The following ADH1A variants were observed in gnomAD, a reference collection of about 807,000 sequenced individuals.
ADH1A encodes alcohol dehydrogenase 1A.
In ADH1A, 29 loss-of-function variants were observed where a neutral mutation model predicts 35.2. That is an observed-to-expected ratio of 0.82 (90% CI 0.61 to 1.12). The LOEUF is 1.12. Among genes scored for constraint, ADH1A ranks in the 50% most tolerant of loss-of-function variants. The pLI is 0.00. For missense variants in ADH1A, 469 were observed against 464.7 expected (o/e 1.01, Z -0.09); for synonymous variants, 147 against 164.8 (o/e 0.89, Z 0.83).
rs1201142966 is a variant in ADH1A, at chr4:99,284,767, C to G, written c.296G>C (p.Gly99Ala). 6.2e-7 allele frequency: 1 copy of G among 1,614,176 alleles called. No individual in the cohort carries two copies. Among genetic ancestry groups the G allele is most frequent in the Admixed American group, 1.7e-5 (1 of 60,028 alleles). ...CGGGTTTTTACAAATTCTGCATTTT[C>G]CACACTGAGGAATAGCGAGTGGGAT... ...KVIPLAIPQC[G>A]KCRICKNPES... Residue 99 changes from glycine (G) to alanine (A), a missense_variant, in exon 4 of 9, where the codon GGA (glycine) becomes GCA (alanine). Transcript: ENST00000209668.
At chr4:99,279,122 G>T (rs1233569691) in intron 8 of ADH1A, among the ~76,000 whole-genome samples, 2 of 151,056 alleles carry the variant, frequency 1.3e-5, no homozygotes, top group Non-Finnish European at 3.0e-5. Flanking sequence ...TATTTAAAAA[G>T]ACTTTTTTTT....
At chr4:99,282,221 CAG>C (rs1381541589) in intron 6 of ADH1A, 123 bp downstream of exon 6, 4 of 1,575,222 alleles carry the variant, frequency 2.5e-6, no homozygotes, top group Non-Finnish European at 3.5e-6. Context: ...AGGTAACAAA[CAG>C]ATGATGGGAA....
rs761698032 is a variant in ADH1A, at chr4:99,284,802, A to C, written c.261T>G (p.Gly87=). ...GAATAGCGAGTGGGATGACTTTATC[A>C]CCTGGAGAGGGATAAAACAAATTCT... The part of the protein sequence containing the change: ...VGEGVTTVKP[G]DKVIPLAIPQ... Residue 87 remains glycine (G), a splice_region_variant and synonymous_variant, in exon 4 of 9, where the codon GGT becomes GGG. Transcript: ENST00000209668. 1.9e-6 allele frequency: 3 copies of C among 1,613,600 alleles called. No homozygotes were observed. The East Asian group carries it at 6.7e-5, about 36-fold the overall frequency.
intron 3 of ADH1A, among the ~76,000 whole-genome samples, chr4:99,285,491 C>T (rs188640895): frequency 1.1e-3 from 169 of 152,206 alleles, no homozygotes; most frequent in African/African-American, 3.6e-3. Flanking sequence ...TTTCCTGTTA[C>T]AGTGGAGGGA....
At chr4:99,281,731 G>A (rs1733006877) in intron 6 of ADH1A, 1 of 155,952 alleles carries the variant, frequency 6.4e-6, no homozygotes, top group South Asian at 1.8e-4. Context: ...GAAATTTGGG[G>A]GGTGATAAAA....
At position 99,282,396 on chromosome 4, in the gene ADH1A, C is replaced by G; in HGVS notation, c.778G>C (p.Asp260His). The G allele has an allele frequency of 6.2e-7, 1 of 1,614,168 alleles. No homozygotes were observed. The highest frequency in any genetic ancestry group is 1.1e-5 in the South Asian group (1 of 91,082). Residue 260 changes from aspartate (D) to histidine (H), a missense_variant, in exon 6 of 9, where the codon GAT becomes CAT. Coordinates refer to ENST00000209668, the MANE Select transcript of ADH1A (RefSeq NM_000667.4). Reference protein sequence around the residue: ...PIQEVLKEMTDGGVDFSFEVI... With the variant: ...PIQEVLKEMTHGGVDFSFEVI... ...TCAAATGAAAAATCCACACCTCCATCAGTCATTTCCTTTAGCACCTCCTGG... is the reference window on the plus strand; with the variant it reads ...TCAAATGAAAAATCCACACCTCCATGAGTCATTTCCTTTAGCACCTCCTGG...
At chr4:99,282,923 G>A (rs536364361) in intron 5 of ADH1A, among the ~76,000 whole-genome samples, 24 of 152,184 alleles carry the variant, frequency 1.6e-4, no homozygotes, top group Non-Finnish European at 2.6e-4. Context: ...GGAACCAGGC[G>A]ACTGGATGAT....
At position 99,279,443 on chromosome 4, in the gene ADH1A, C is replaced by T. The variant is rs144654222; in HGVS notation, c.1086G>A (p.Leu362=). 12 of 1,601,052 alleles carry T rather than the reference C, an allele frequency of 7.5e-6. No homozygotes were observed. The highest frequency in any genetic ancestry group is 8.5e-6 in the Non-Finnish European group (10 of 1,176,390). The change falls in exon 8 of 9, where the codon CTG becomes CTA. Residue 362 remains leucine (L), a synonymous_variant. Coordinates refer to ENST00000209668, the MANE Select transcript of ADH1A (RefSeq NM_000667.4). ...AAATCTACCTTTTCCCAGAGTGAAG[C>T]AGGTCAAATCCTTCATTTATTTTTT... ...PFEKINEGFD[L]LHSGKSIRTI...
Position 99,284,807 on chromosome 4 carries a change from G to C in ADH1A, c.260-4C>G. On this transcript the variant is annotated splice_polypyrimidine_tract_variant and splice_region_variant and intron_variant, in intron 3 of 8. Transcript: ENST00000209668. ...GCGAGTGGGATGACTTTATCACCTG[G>C]AGAGGGATAAAACAAATTCTTTTAC... 6.2e-7 allele frequency: 1 copy of C among 1,612,686 alleles called. No homozygotes were observed. The highest frequency in any genetic ancestry group is 8.5e-7 in the Non-Finnish European group (1 of 1,178,752).
At chr4:99,280,427 C>T in intron 6 of ADH1A, 148 bp from the exon 7 acceptor site, 1 of 1,369,224 alleles carries the variant, frequency 7.3e-7, no homozygotes, top group Non-Finnish European at 1.0e-6. Context: ...CCCTTTTTTG[C>T]ACGGGATAGT....
Position 99,283,506 on chromosome 4 carries a change from G to T in ADH1A, c.567+893C>A, listed in dbSNP as rs28364318. ...CATTCATTCATTCATTCACCAAGTG[G>T]TATGCAATACTATGGGGGACAACAC... On this transcript the variant is annotated intron_variant, in intron 5 of 8. Transcript: ENST00000209668. 9.6e-3 allele frequency among the ~76,000 whole-genome samples: 1,201 copies of T among 124,942 alleles called. 14 individuals carry two copies. Among genetic ancestry groups the T allele is most frequent in the African/African-American group, 0.036 (1,138 of 31,370 alleles). The allele number at this position is 124,942 out of a possible 152,430, so 82.0% of individuals were successfully genotyped here.
Position 99,286,853 on chromosome 4 carries a change from GT to G in ADH1A, c.255del (p.Lys85AsnfsTer29). 3 of 1,613,790 alleles carry G rather than the reference GT, an allele frequency of 1.9e-6. No homozygotes were observed. Among genetic ancestry groups the G allele is most frequent in the Non-Finnish European group, 2.5e-6 (3 of 1,179,916 alleles). ...TTCCTGAATGTGAATCCTGTACCTGGTTTGACTGTAGTCACCCCTTCTCCAA... is the reference window on the plus strand; with the variant it reads ...TTCCTGAATGTGAATCCTGTACCTGGTTGACTGTAGTCACCCCTTCTCCAA... ...ESVGEGVTTV[K>X]PGDKVIPLAI... On this transcript the variant is annotated frameshift_variant, in exon 3 of 9. Coordinates refer to ENST00000209668, the MANE Select transcript of ADH1A (RefSeq NM_000667.4). LOFTEE classifies it high-confidence loss of function.
intron 3 of ADH1A, among the ~76,000 whole-genome samples, chr4:99,285,212 A>G (rs1733119803): frequency 6.6e-6 from 1 of 152,266 alleles, no homozygotes; most frequent in African/African-American, 2.4e-5. Flanking sequence ...AGATGTTGGT[A>G]AGACCTGTTT....
chr4:99,282,457 A>G lies in ADH1A; in HGVS notation c.717T>C (p.Thr239=), dbSNP rs1733031227. 20 of 1,614,016 alleles carry G rather than the reference A, an allele frequency of 1.2e-5. No individual in the cohort carries two copies. Among genetic ancestry groups the G allele is most frequent in the Admixed American group, 3.3e-5 (2 of 59,990 alleles). ...TGTAGTCTTGAGGGTTGATGCATTC[A>G]GTGGCACCCAACTCTTTGGCCTTTG... ...KFAKAKELGA[T]ECINPQDYKK... Residue 239 remains threonine, a synonymous_variant, in exon 6 of 9, where the codon ACT becomes ACC. Coordinates refer to ENST00000209668, the MANE Select transcript of ADH1A (RefSeq NM_000667.4).
At chr4:99,286,021 CA>C (rs397938892) in intron 3 of ADH1A, among the ~76,000 whole-genome samples, 6,500 of 85,030 alleles carry the variant, frequency 0.076, 84 homozygotes, top group Non-Finnish European at 0.093. Context: ...GACTCCGTCT[CA>C]AAAAAAAAAA....
intron 5 of ADH1A, among the ~76,000 whole-genome samples, chr4:99,283,069 C>G (rs28364319): frequency 0.05 from 7,661 of 152,198 alleles, 604 homozygotes; most frequent in African/African-American, 0.17. Context: ...AAAGGCTACT[C>G]CAGGAGACTG....
At chr4:99,277,657 C>A (rs28364336) in intron 8 of ADH1A, among the ~76,000 whole-genome samples, 1 of 151,744 alleles carries the variant, frequency 6.6e-6, no homozygotes, top group African/African-American at 2.4e-5. Flanking sequence ...TGAAAATGTG[C>A]GATATTGTAT....
chr4:99,282,960 C>T (rs1733044511), intron 5 of ADH1A, among the ~76,000 whole-genome samples: 1 of 152,168 alleles, frequency 6.6e-6, no homozygotes, highest in African/African-American at 2.4e-5. Flanking sequence ...GCAGTGATTA[C>T]AATCTTGAAG....
intron 1 of ADH1A, among the ~76,000 whole-genome samples, chr4:99,290,394 C>T (rs1315022738): frequency 6.6e-6 from 1 of 152,130 alleles, no homozygotes; most frequent in Non-Finnish European, 1.5e-5. Flanking sequence ...TGCTGTGAGA[C>T]CAATGAGCAT....
Sources: gnomAD v4.1 joint callset for allele counts (sites outside exome capture counted in the v4.1 genomes callset) on GRCh38, gnomAD v4.1.1 for gene constraint, MANE v1.5 for transcripts, NCBI Gene and HGNC (gene_info 2026-07-23, HGNC 2026-07-21) for gene names.